The following OPA1 variants were observed in gnomAD, a reference collection of about 807,000 sequenced individuals.
OPA1 encodes dynamin-like GTPase OPA1, mitochondrial.
In OPA1, 59 loss-of-function variants were observed where a neutral mutation model predicts 152.9. The ratio of observed to expected loss-of-function variants is 0.39; its 90% CI spans 0.31 to 0.48. The LOEUF (loss-of-function observed/expected upper bound fraction) is 0.48, where lower values mean the gene tolerates loss of function less well. Among genes scored for constraint, OPA1 ranks in the 20% least tolerant of loss-of-function variants. The pLI is 0.96. For synonymous variants in OPA1, 400 were observed against 389.9 expected, an observed-to-expected ratio of 1.03 and a Z score of -0.31; for missense variants, 1,008 against 1,216.8, an observed-to-expected ratio of 0.83 and a Z score of 2.55.
chr3:193,612,705 A>C (rs1314357007), intron 1 of OPA1, among the ~76,000 whole-genome samples: 1 of 152,194 alleles, frequency 6.6e-6, no homozygotes, highest in African/African-American at 2.4e-5. Flanking sequence ...TTATACGTAA[A>C]ATTAGCTGGA....
intron 1 of OPA1, among the ~76,000 whole-genome samples, chr3:193,608,750 G>T (rs1356557422): frequency 6.6e-6 from 1 of 151,948 alleles, no homozygotes; most frequent in Admixed American, 6.6e-5. Context: ...TGAATTCCTG[G>T]ATATCCTTGT....
At chr3:193,660,263 T>TA (rs1491408603) in intron 25 of OPA1, among the ~76,000 whole-genome samples, 1 of 152,194 alleles carries the variant, frequency 6.6e-6, no homozygotes, top group Non-Finnish European at 1.5e-5. Context: ...TTCCGATTCT[T>TA]ATAGCTTCTT....
chr3:193,598,313 C>T (rs1351943101), intron 1 of OPA1, among the ~76,000 whole-genome samples: 1 of 152,084 alleles, frequency 6.6e-6, no homozygotes, highest in Non-Finnish European at 1.5e-5. Context: ...CTTCCATTCT[C>T]TGTGAAGTAG....
At chr3:193,599,427 T>G (rs978967926) in intron 1 of OPA1, among the ~76,000 whole-genome samples, 2 of 151,958 alleles carry the variant, frequency 1.3e-5, no homozygotes, top group Non-Finnish European at 2.9e-5. Context: ...TTTTTTGGTT[T>G]TCTTTTTGGT....
chr3:193,600,135 C>T lies in OPA1; in HGVS notation c.32+6726C>T, dbSNP rs73067637. On this transcript the variant is annotated intron_variant, in intron 1 of 30. Coordinates refer to ENST00000361510, the MANE Select transcript of OPA1 (RefSeq NM_130837.3). ...CTCAAATATAAAAGTACGGAGTCCT[C>T]TTCGGGCCATATTTAGTTCGCTTTA... Among the ~76,000 whole-genome samples the T allele has an allele frequency of 7.2e-3, 1,103 of 152,338 alleles. 9 individuals carry two copies. The highest frequency in any genetic ancestry group is 0.021 in the African/African-American group (890 of 41,564).
At chr3:193,599,624 A>G (rs1450602409) in intron 1 of OPA1, among the ~76,000 whole-genome samples, 1 of 152,002 alleles carries the variant, frequency 6.6e-6, no homozygotes, top group Non-Finnish European at 1.5e-5. Context: ...CTTGCCCACA[A>G]GTGTCGCTTG....
At position 193,593,343 on chromosome 3, in the gene OPA1, C is replaced by A; in HGVS notation, c.-35C>A. 1 of 1,538,848 alleles carries A rather than the reference C, an allele frequency of 6.5e-7. No individual in the cohort carries two copies. The highest frequency in any genetic ancestry group is 1.2e-5 in the South Asian group (1 of 82,610). ...GCTCACACGGGGGCTCCCGCGTGGC[C>A]GTCTCGGCGCCTGCGTGACCTCCCC... On this transcript the variant is annotated 5_prime_UTR_variant, in exon 1 of 31. Coordinates refer to ENST00000361510, the MANE Select transcript of OPA1 (RefSeq NM_130837.3).
intron 1 of OPA1, among the ~76,000 whole-genome samples, chr3:193,604,081 A>G (rs982722766): frequency 3.4e-4 from 51 of 152,226 alleles, no homozygotes; most frequent in African/African-American, 1.2e-3. Flanking sequence ...AATTAAGTTC[A>G]TTTCCTAAAA....
intron 26 of OPA1, among the ~76,000 whole-genome samples, chr3:193,664,627 T>C (rs185028318): frequency 3.3e-5 from 5 of 152,182 alleles, no homozygotes; most frequent in Admixed American, 1.3e-4. Flanking sequence ...TTGATTATAG[T>C]AACAGCATTT....
intron 29 of OPA1, among the ~76,000 whole-genome samples, chr3:193,674,652 G>T (rs1402379295): frequency 6.6e-6 from 1 of 152,140 alleles, no homozygotes; most frequent in Non-Finnish European, 1.5e-5. Flanking sequence ...CCTGAGGTAG[G>T]CAGAATGATT....
At chr3:193,593,471 TATCTC>T in intron 1 of OPA1, 62 bp downstream of exon 1, 1 of 1,419,690 alleles carries the variant, frequency 7.0e-7, no homozygotes, top group Non-Finnish European at 9.4e-7. Flanking sequence ...GGGGCTGTCT[TATCTC>T]TATCTCCAAA....
At chr3:193,626,001 C>G in intron 6 of OPA1, 91 bp from the exon 7 acceptor site, 1 of 944,474 alleles carries the variant, frequency 1.1e-6, no homozygotes, top group Non-Finnish European at 1.7e-6. Context: ...ACCATCCCTC[C>G]CTAGCTTACA....
chr3:193,642,900 TATAAA>T (rs1733996130), intron 12 of OPA1, 55 bp downstream of exon 12: 1 of 1,565,114 alleles, frequency 6.4e-7, no homozygotes, highest in Non-Finnish European at 8.8e-7. Flanking sequence ...TGGATGAGCT[TATAAA>T]AGACAGTTAA....
intron 1 of OPA1, among the ~76,000 whole-genome samples, chr3:193,593,789 A>G (rs1288767594): frequency 7.2e-6 from 1 of 138,264 alleles, no homozygotes; most frequent in Non-Finnish European, 1.6e-5. Flanking sequence ...TCCATGAGTC[A>G]CCTCTCTCCA....
chr3:193,608,608 G>A (rs962317319), intron 1 of OPA1, among the ~76,000 whole-genome samples: 4 of 152,186 alleles, frequency 2.6e-5, no homozygotes, highest in African/African-American at 9.7e-5. Flanking sequence ...TTTCTGAGGA[G>A]AGCTTTATTT....
chr3:193,601,070 A>G (rs1726386541), intron 1 of OPA1, among the ~76,000 whole-genome samples: 1 of 152,202 alleles, frequency 6.6e-6, no homozygotes, highest in African/African-American at 2.4e-5. Flanking sequence ...TTCGTTGAAT[A>G]TGTATGTTGT....
At position 193,667,293 on chromosome 3, in the gene OPA1, T is replaced by C; in HGVS notation, c.2983+13T>C. ...GCGGAAGACCTCAGTGAGTAGTTCT[T>C]ACTGCCCTCTACCTTACTACCTTTC... On this transcript the variant is annotated intron_variant, in intron 29 of 30. Coordinates refer to ENST00000361510, the MANE Select transcript of OPA1 (RefSeq NM_130837.3). 21 of 1,076,062 alleles carry C rather than the reference T, an allele frequency of 2.0e-5. No homozygotes were observed. Among genetic ancestry groups the C allele is most frequent in the Admixed American group, 3.4e-5 (2 of 59,388 alleles). The allele number at this position is 1,076,062 out of a possible 1,614,324, so 66.7% of individuals were successfully genotyped here.
At chr3:193,662,748 T>C in intron 25 of OPA1, 74 bp from the exon 26 acceptor site, 1 of 1,227,144 alleles carries the variant, frequency 8.1e-7, no homozygotes. Context: ...AATGTATTTA[T>C]TAAAATTGAG....
chr3:193,668,894 A>G (rs1454970413), intron 29 of OPA1: 16 of 1,019,410 alleles, frequency 1.6e-5, no homozygotes, highest in African/African-American at 1.7e-5. Context: ...GTGAAACATT[A>G]TTGTTATTAA....
Sources: allele counts gnomAD v4.1 joint callset (sites outside exome capture counted in the v4.1 genomes callset), GRCh38; gene constraint gnomAD v4.1.1; transcripts MANE v1.5; gene names NCBI Gene and HGNC (gene_info 2026-07-23, HGNC 2026-07-21).